The following IGSF10 variants were observed in gnomAD, a reference collection of about 807,000 sequenced individuals.
IGSF10 encodes calvaria mechanical force protein 608.
In IGSF10, 126 loss-of-function variants were observed where a neutral mutation model predicts 128.2. The ratio of observed to expected loss-of-function variants is 0.98; its 90% CI spans 0.85 to 1.14. The LOEUF (loss-of-function observed/expected upper bound fraction) is 1.14, where lower values mean the gene tolerates loss of function less well. Ranked by LOEUF, IGSF10 falls within the 50% of genes most tolerant of loss-of-function variation. IGSF10 has a pLI of 0.00. For missense variants in IGSF10, 3,295 were observed against 3,149.8 expected, an observed-to-expected ratio of 1.05 and a Z score of -1.10; for synonymous variants, 1,185 against 1,146.2, an observed-to-expected ratio of 1.03 and a Z score of -0.68.
chr3:151,513,044 A>C, the IGSF10 span, among the ~76,000 whole-genome samples: 1 of 152,340 alleles, frequency 6.6e-6, no homozygotes, highest in East Asian at 1.9e-4. Flanking sequence ...TACAAGGAGG[A>C]ACTGGTACCA....
At chr3:151,501,525 T>A in the IGSF10 span, among the ~76,000 whole-genome samples, 7 of 152,180 alleles carry the variant, frequency 4.6e-5, no homozygotes, top group Non-Finnish European at 8.8e-5. Flanking sequence ...GTCATCAGTA[T>A]ATGGATTCCT....
At chr3:151,617,272 T>TTCTTCTTCTTCTTCTTCC in the IGSF10 span, among the ~76,000 whole-genome samples, 2 of 88,970 alleles carry the variant, frequency 2.2e-5, no homozygotes, top group Non-Finnish European at 4.5e-5. Flanking sequence ...CTTCTTCTTC[T>TTCTTCTTCTTCTTCTTCC]TCTTCTTCTT....
intron 5 of IGSF10, among the ~76,000 whole-genome samples, chr3:151,451,274 A>G (rs542315892): frequency 1.8e-4 from 27 of 150,984 alleles, no homozygotes; most frequent in Non-Finnish European, 3.3e-4. Context: ...GTACTTACCA[A>G]TCATCCTTCA....
the IGSF10 span, among the ~76,000 whole-genome samples, chr3:151,517,109 T>C: frequency 2.6e-5 from 4 of 152,174 alleles, no homozygotes; most frequent in South Asian, 4.1e-4. Context: ...ATAAGTTCTA[T>C]AGTAGATTAT....
chr3:151,471,088 G>A, the IGSF10 span, among the ~76,000 whole-genome samples: 1 of 152,112 alleles, frequency 6.6e-6, no homozygotes, highest in African/African-American at 2.4e-5. Context: ...AATCATGGGG[G>A]TGGGTCTTTT....
At chr3:151,511,822 G>A in the IGSF10 span, among the ~76,000 whole-genome samples, 15 of 151,910 alleles carry the variant, frequency 9.9e-5, no homozygotes, top group Admixed American at 7.9e-4. Context: ...TCCTAGTCTC[G>A]GATAAAACAG....
At chr3:151,513,888 A>C in the IGSF10 span, among the ~76,000 whole-genome samples, 1 of 152,230 alleles carries the variant, frequency 6.6e-6, no homozygotes, top group Non-Finnish European at 1.5e-5. Flanking sequence ...CAAAGAGAAT[A>C]AAATACCTAG....
chr3:151,515,622 A>G, the IGSF10 span, among the ~76,000 whole-genome samples: 1 of 151,684 alleles, frequency 6.6e-6, no homozygotes, highest in Non-Finnish European at 1.5e-5. Flanking sequence ...AGTATAATAT[A>G]AAAAATAAAA....
the IGSF10 span, among the ~76,000 whole-genome samples, chr3:151,534,675 G>A: frequency 1.3e-5 from 2 of 151,902 alleles, no homozygotes; most frequent in Non-Finnish European, 2.9e-5. Context: ...GCTGGGGGAG[G>A]GGTAGCATTA....
chr3:151,559,492 GTT>G, the IGSF10 span, among the ~76,000 whole-genome samples: 2 of 152,114 alleles, frequency 1.3e-5, no homozygotes, highest in African/African-American at 4.8e-5. Context: ...TGACATGAAT[GTT>G]TTAAAAATTT....
At chr3:151,537,330 G>A in the IGSF10 span, among the ~76,000 whole-genome samples, 1 of 152,154 alleles carries the variant, frequency 6.6e-6, no homozygotes, top group African/African-American at 2.4e-5. Context: ...TCAAAGATTT[G>A]TGACTTTCCC....
At chr3:151,552,550 G>C in the IGSF10 span, among the ~76,000 whole-genome samples, 2 of 152,092 alleles carry the variant, frequency 1.3e-5, no homozygotes, top group African/African-American at 4.8e-5. Context: ...ACGGACATCT[G>C]GGTGGCAGTG....
At chr3:151,440,456 T>C (rs935105163) in intron 7 of IGSF10, 4 of 420,928 alleles carry the variant, frequency 9.5e-6, no homozygotes, top group Non-Finnish European at 1.9e-5. Flanking sequence ...GTAAAATCAA[T>C]ACAAATACAC....
the IGSF10 span, among the ~76,000 whole-genome samples, chr3:151,589,151 A>C: frequency 3.9e-5 from 6 of 152,182 alleles, no homozygotes; most frequent in Admixed American, 6.5e-5. Flanking sequence ...AATTTTATGG[A>C]AAATGCAGTG....
chr3:151,478,122 C>T, the IGSF10 span, among the ~76,000 whole-genome samples: 3 of 152,166 alleles, frequency 2.0e-5, no homozygotes, highest in East Asian at 1.9e-4. Context: ...CACCTTAAAC[C>T]TTAAAACCTT....
chr3:151,475,372 G>T, the IGSF10 span, among the ~76,000 whole-genome samples: 1 of 152,206 alleles, frequency 6.6e-6, no homozygotes, highest in Admixed American at 6.5e-5. Context: ...TAACCAAAAG[G>T]GGGGAAATGT....
rs1006026605 is a variant in IGSF10, at chr3:151,436,487, AGTTT to A, written c.*198_*201del. On this transcript the variant is annotated 3_prime_UTR_variant, in exon 8 of 8. Transcript: ENST00000282466. ...CAAAATAAAAGTGCCTTAAGTTAAA[AGTTT>A]GTTTTGAGATCCATTAAATAAATCA... 9 of 445,292 alleles carry A rather than the reference AGTTT, an allele frequency of 2.0e-5. No individual in the cohort carries two copies. Among genetic ancestry groups the A allele is most frequent in the African/African-American group, 1.0e-4 (5 of 49,752 alleles). 27.6% of individuals were successfully genotyped at this position (445,292 alleles called of 1,614,324 possible). A position where few individuals can be genotyped will look rare whatever the true frequency, so the allele number is the denominator to read the frequency against.
chr3:151,446,339 G>T lies in IGSF10; in HGVS notation c.3642C>A (p.Asn1214Lys). The change falls in exon 6 of 8, where the codon AAC becomes AAA. Residue 1214 changes from asparagine (N) to lysine (K), a missense_variant. By Grantham distance (94) the Asn-to-Lys change is moderately conservative. Coordinates refer to ENST00000282466, the MANE Select transcript of IGSF10 (RefSeq NM_178822.5). ...PWQQNFVNNHNPKGRLRNQHK... is the reference protein window; with the variant it reads ...PWQQNFVNNHKPKGRLRNQHK... ...GTTGATTCCTTAATCTGCCTTTTGG[G>T]TTATGGTTATTTACAAAGTTCTGTT... 1.9e-6 allele frequency: 3 copies of T among 1,613,768 alleles called. No individual in the cohort carries two copies. Among genetic ancestry groups the T allele is most frequent in the Non-Finnish European group, 2.5e-6 (3 of 1,179,708 alleles).
chr3:151,440,501 GGTT>G, intron 7 of IGSF10: 1 of 456,048 alleles, frequency 2.2e-6, no homozygotes, highest in African/African-American at 2.0e-5. Context: ...GCTTTGCACT[GGTT>G]GTTTAATCTT....
Sources: allele counts gnomAD v4.1 joint callset (sites outside exome capture counted in the v4.1 genomes callset), GRCh38; gene constraint gnomAD v4.1.1; transcripts MANE v1.5; gene names NCBI Gene and HGNC (gene_info 2026-07-23, HGNC 2026-07-21).